The following SHC2 variants were observed in gnomAD, a reference collection of about 807,000 sequenced individuals.
The protein encoded by SHC2 is SHC adaptor protein 2.
Under a neutral mutation model 60.6 loss-of-function variants are expected in SHC2, and 62 were observed. The observed-to-expected ratio is 1.02, with a 90% CI of 0.83 to 1.26. The LOEUF (loss-of-function observed/expected upper bound fraction) is 1.26, where lower values mean the gene tolerates loss of function less well. Among genes scored for constraint, SHC2 ranks in the 50% most tolerant of loss-of-function variants. SHC2 has a pLI of 0.00. For missense variants in SHC2, 873 were observed against 822.2 expected, an observed-to-expected ratio of 1.06 and a Z score of -0.76; for synonymous variants, 375 against 372.4, an observed-to-expected ratio of 1.01 and a Z score of -0.08.
chr19:454,222 C>T (rs779203069), intron 1 of SHC2, among the ~76,000 whole-genome samples: 14 of 152,244 alleles, frequency 9.2e-5, no homozygotes, highest in Non-Finnish European at 1.8e-4. Context: ...GCCCATGTGA[C>T]TCACGGCAGC....
chr19:429,610 C>T (rs1361911481), intron 9 of SHC2, among the ~76,000 whole-genome samples: 33 of 142,090 alleles, frequency 2.3e-4, no homozygotes, highest in African/African-American at 9.1e-4. Flanking sequence ...TGCAGAGAAA[C>T]CTAATACCGT....
Position 447,277 on chromosome 19 carries a change from AGGGGACGCGT to A in SHC2, c.469-6355_469-6346del. On this transcript the variant is annotated intron_variant, in intron 1 of 12. Coordinates refer to ENST00000264554, the MANE Select transcript of SHC2 (RefSeq NM_012435.3). ...GACAGGCCGATCCACAGAGGCAGGA[AGGGGACGCGT>A]GGGCGCCGGGGATGGGGAGGGGGTG... Among the ~76,000 whole-genome samples the A allele has an allele frequency of 3.0e-5, 3 of 100,280 alleles. No homozygotes were observed. In the Middle Eastern group the frequency reaches 0.014, roughly 452 times the overall value. The allele number at this position is 100,280 out of a possible 152,430, so 65.8% of individuals were successfully genotyped here. A position where few individuals can be genotyped will look rare whatever the true frequency, so the allele number is the denominator to read the frequency against.
Position 440,741 on chromosome 19 carries a change from G to C in SHC2, c.539+121C>G. ...AAGTGGGAGGGAGGTGGGGGGCACC[G>C]AGGCTGCGTCCTGGGACCCCAGCGC... On this transcript the variant is annotated intron_variant, in intron 2 of 12. Coordinates refer to ENST00000264554, the MANE Select transcript of SHC2 (RefSeq NM_012435.3). The surrounding 1 kb of genome is among the most constrained non-coding windows in gnomAD (Gnocchi z 7.0). 1 of 821,320 alleles carries C rather than the reference G, an allele frequency of 1.2e-6. No individual in the cohort carries two copies. 50.9% of individuals were successfully genotyped at this position (821,320 alleles called of 1,614,324 possible).
At position 429,742 on chromosome 19, in the gene SHC2, C is replaced by G. The variant is rs1025080891; in HGVS notation, c.1174+942G>C. On this transcript the variant is annotated intron_variant, in intron 9 of 12. Transcript: ENST00000264554. The stretch of plus-strand genomic sequence containing the variant: ...GTGTGGATGACGCAGTACCTATACC[C>G]AACATGCTCGGAAACCTAACACCGT... 3.4e-5 allele frequency among the ~76,000 whole-genome samples: 5 copies of G among 146,986 alleles called. No individual in the cohort carries two copies. The East Asian group carries it at 8.0e-4, about 24-fold the overall frequency.
intron 1 of SHC2, among the ~76,000 whole-genome samples, chr19:458,287 G>A (rs113325601): frequency 0.023 from 2,862 of 123,308 alleles, 120 homozygotes; most frequent in East Asian, 0.06. Context: ...GGCGGAAGTG[G>A]GTCCCGGGGA....
chr19:442,139 C>T (rs1379075596), intron 1 of SHC2, among the ~76,000 whole-genome samples: 1 of 152,166 alleles, frequency 6.6e-6, no homozygotes. Context: ...ACTAAGCAGC[C>T]TCACCTCCTG....
At chr19:428,442 T>C (rs79104967) in intron 9 of SHC2, among the ~76,000 whole-genome samples, 1 of 152,220 alleles carries the variant, frequency 6.6e-6, no homozygotes, top group South Asian at 2.1e-4. Flanking sequence ...GAATAAATGA[T>C]GTAACCATGA....
At chr19:451,666 C>A (rs111824506) in intron 1 of SHC2, among the ~76,000 whole-genome samples, 1 of 152,116 alleles carries the variant, frequency 6.6e-6, no homozygotes, top group Non-Finnish European at 1.5e-5. Context: ...GGCGTGATCT[C>A]GGCTCACTGC....
At chr19:460,190 G>C (rs2145768549) in intron 1 of SHC2, among the ~76,000 whole-genome samples, 1 of 152,296 alleles carries the variant, frequency 6.6e-6, no homozygotes, top group South Asian at 2.1e-4. Context: ...GTGAACAGCT[G>C]TCCGGGGGGC....
chr19:418,836 G>T, intron 12 of SHC2, 87 bp downstream of exon 12: 3 of 1,444,536 alleles, frequency 2.1e-6, no homozygotes, highest in South Asian at 2.7e-5. Flanking sequence ...GGAAAGGCAC[G>T]GCACGTGAAC....
chr19:421,867 G>A (rs1174540772), intron 11 of SHC2, among the ~76,000 whole-genome samples: 1 of 152,182 alleles, frequency 6.6e-6, no homozygotes, highest in Non-Finnish European at 1.5e-5. Context: ...CTACGACTGT[G>A]CCACTGCAGT....
chr19:439,066 G>T, intron 2 of SHC2, 36 bp from the exon 3 acceptor site: 10 of 1,503,142 alleles, frequency 6.7e-6, no homozygotes, highest in Non-Finnish European at 9.1e-6. Context: ...AGAGTGTGGT[G>T]GGGGTGGCCA....
rs527428341 is a variant in SHC2 at position 440,836 on chromosome 19, C to T, written c.539+26G>A. 24 of 1,603,262 alleles carry T rather than the reference C, an allele frequency of 1.5e-5. No homozygotes were observed. Among genetic ancestry groups the T allele is most frequent in the South Asian group, 2.2e-5 (2 of 90,894 alleles). Reference sequence around the variant, plus strand: ...CTCCAGTGCGTCACTCAGCCCTACGCGGCCAGGGCAGGGTTGGAGGCTCAC... The same window carrying T: ...CTCCAGTGCGTCACTCAGCCCTACGTGGCCAGGGCAGGGTTGGAGGCTCAC... On this transcript the variant is annotated intron_variant, in intron 2 of 12. Coordinates refer to ENST00000264554, the MANE Select transcript of SHC2 (RefSeq NM_012435.3). The surrounding 1 kb of genome is among the most constrained non-coding windows in gnomAD (Gnocchi z 7.0).
At chr19:427,297 C>T (rs1218598818) in intron 9 of SHC2, among the ~76,000 whole-genome samples, 1 of 152,260 alleles carries the variant, frequency 6.6e-6, no homozygotes, top group African/African-American at 2.4e-5. Context: ...GGACTGGCAC[C>T]GCCGGTAACG....
chr19:435,031 C>T (rs1974684800), intron 7 of SHC2, among the ~76,000 whole-genome samples, 166 bp from the exon 8 acceptor site: 2 of 152,250 alleles, frequency 1.3e-5, no homozygotes, highest in Admixed American at 1.3e-4. Flanking sequence ...AGTGACCAGG[C>T]CCACTACTTC....
intron 9 of SHC2, 45 bp downstream of exon 9, chr19:430,639 C>T (rs1974559010): frequency 1.3e-6 from 2 of 1,550,270 alleles, no homozygotes; most frequent in African/African-American, 1.4e-5. Flanking sequence ...GCTGAGGAGC[C>T]CCAGAATCCT....
intron 5 of SHC2, 72 bp downstream of exon 5, chr19:436,558 G>A: frequency 6.3e-7 from 1 of 1,584,844 alleles, no homozygotes; most frequent in Non-Finnish European, 8.6e-7. Flanking sequence ...CGGGCTCTGG[G>A]GAAGGATGAG....
rs78652217 is a variant in SHC2 at position 441,069 on chromosome 19, G to A, written c.469-137C>T. ...CTCTGTCCCTGGTGGCTCTGGGGCCGTCGTGCCTCCCCCACCTCAAGGCCC... is the reference window on the plus strand; with the variant it reads ...CTCTGTCCCTGGTGGCTCTGGGGCCATCGTGCCTCCCCCACCTCAAGGCCC... On this transcript the variant is annotated intron_variant, in intron 1 of 12. Coordinates refer to ENST00000264554, the MANE Select transcript of SHC2 (RefSeq NM_012435.3). This position sits in a 1 kb window ranked among gnomAD's most constrained non-coding sequence, Gnocchi z 4.9. 5.1e-3 allele frequency: 7,601 copies of A among 1,491,688 alleles called. 33 individuals carry two copies. The highest frequency in any genetic ancestry group is 5.9e-3 in the Middle Eastern group (31 of 5,246). 92.4% of individuals were successfully genotyped at this position (1,491,688 alleles called of 1,614,324 possible).
chr19:450,864 C>T (rs186262775), intron 1 of SHC2, among the ~76,000 whole-genome samples: 3 of 147,258 alleles, frequency 2.0e-5, no homozygotes, highest in Non-Finnish European at 4.5e-5. Context: ...CGTATTTCAG[C>T]GTGTGGATGG....
Sources: gnomAD v4.1 joint callset for allele counts (sites outside exome capture counted in the v4.1 genomes callset) on GRCh38, gnomAD v4.1.1 for gene constraint, Gnocchi (gnomAD v3.1) non-coding constraint, MANE v1.5 for transcripts, NCBI Gene and HGNC (gene_info 2026-07-23, HGNC 2026-07-21) for gene names.